KCNN2: variants seen among roughly 807,000 people sequenced by gnomAD.
KCNN2 encodes small conductance calcium-activated potassium channel protein 2.
KCNN2 carries 24 observed loss-of-function variants against 55.5 expected under a neutral mutation model. The observed-to-expected ratio is 0.43, with a 90% CI of 0.31 to 0.61. The LOEUF is 0.61. Among genes scored for constraint, KCNN2 ranks in the 20% least tolerant of loss-of-function variants. The pLI is 0.08. For synonymous variants in KCNN2, 431 were observed against 336.1 expected, an observed-to-expected ratio of 1.28 and a Z score of -3.09; for missense variants, 754 against 853.6, an observed-to-expected ratio of 0.88 and a Z score of 1.45.
chr5:114,164,816 T>C (rs1188387939), intron 1 of KCNN2, among the ~76,000 whole-genome samples: 1 of 152,212 alleles, frequency 6.6e-6, no homozygotes, highest in Non-Finnish European at 1.5e-5. Flanking sequence ...AAATAAATCA[T>C]CTGATGAAGG....
chr5:114,231,801 T>G (rs1339030445), intron 2 of KCNN2, among the ~76,000 whole-genome samples: 1 of 150,942 alleles, frequency 6.6e-6, no homozygotes, highest in Non-Finnish European at 1.5e-5. Context: ...ACTAGATGAC[T>G]TAATCACTTC....
At chr5:114,162,187 A>T (rs1752800931) in intron 1 of KCNN2, among the ~76,000 whole-genome samples, 2 of 152,042 alleles carry the variant, frequency 1.3e-5, no homozygotes, top group Admixed American at 1.3e-4. Flanking sequence ...TTTGGTGTGG[A>T]TGTCCTTTCT....
In KCNN2 at chr5:114,485,486, A is replaced by C. The variant is rs1459786; in HGVS notation, c.1891-1564A>C. Among the ~76,000 whole-genome samples, 8 of 152,308 alleles carry C rather than the reference A, an allele frequency of 5.3e-5. No homozygotes were observed. The South Asian group carries it at 1.7e-3, about 32-fold the overall frequency. ...CTCATTTCCTTACCTTTGAAAGGACATGAGGATCAGATGAAAAAAGCTTCT... is the reference window on the plus strand; with the variant it reads ...CTCATTTCCTTACCTTTGAAAGGACCTGAGGATCAGATGAAAAAAGCTTCT... On this transcript the variant is annotated intron_variant, in intron 5 of 7. Transcript: ENST00000673685.
chr5:114,285,742 A>G (rs759450118), intron 2 of KCNN2, among the ~76,000 whole-genome samples: 2 of 152,156 alleles, frequency 1.3e-5, no homozygotes, highest in South Asian at 2.1e-4. Flanking sequence ...TTAAACTGCT[A>G]CTGTAGAGTT....
chr5:114,382,212 C>T (rs1758145844), intron 2 of KCNN2, among the ~76,000 whole-genome samples: 1 of 152,174 alleles, frequency 6.6e-6, no homozygotes, highest in African/African-American at 2.4e-5. Context: ...TTCTGCAGTG[C>T]AATCCTTGCC....
chr5:114,364,400 A>C (rs1353685629), intron 2 of KCNN2, among the ~76,000 whole-genome samples: 2 of 152,154 alleles, frequency 1.3e-5, no homozygotes. Context: ...GTATCTATCT[A>C]TATAATCTTC....
chr5:114,319,350 C>G (rs184870154), intron 2 of KCNN2, among the ~76,000 whole-genome samples: 51 of 152,284 alleles, frequency 3.3e-4, no homozygotes, highest in Admixed American at 7.2e-4. Context: ...ACAGAGAAAG[C>G]AGAAGCTACA....
At chr5:114,061,094 C>A (rs1383741205) in intron 1 of KCNN2, among the ~76,000 whole-genome samples, 2 of 152,182 alleles carry the variant, frequency 1.3e-5, no homozygotes, top group Admixed American at 1.3e-4. Context: ...AGAATTTATT[C>A]ATTCAACATT....
intron 4 of KCNN2, among the ~76,000 whole-genome samples, chr5:114,470,888 T>G (rs1030736782): frequency 5.3e-5 from 8 of 152,308 alleles, no homozygotes; most frequent in African/African-American, 1.9e-4. Context: ...GTTTTATCCC[T>G]GGAGATGAAG....
At chr5:114,104,132 C>G (rs1392417205) in intron 1 of KCNN2, among the ~76,000 whole-genome samples, 1 of 152,016 alleles carries the variant, frequency 6.6e-6, no homozygotes, top group African/African-American at 2.4e-5. Context: ...AGGGATTTGA[C>G]TTCTTTCTGG....
At chr5:114,493,874 T>G (rs945421552) in intron 7 of KCNN2, among the ~76,000 whole-genome samples, 2 of 152,144 alleles carry the variant, frequency 1.3e-5, no homozygotes, top group Admixed American at 1.3e-4. Flanking sequence ...CTATGTATTT[T>G]AAGCAAACTC....
chr5:114,161,735 G>A lies in KCNN2; in HGVS notation c.-270-59745G>A, dbSNP rs539834573. On this transcript the variant is annotated intron_variant, in intron 1 of 10. Coordinates refer to the KCNN2 transcript ENST00000512097. ...CTTTTTTCTCTAAACTTCTTTTCTC[G>A]CTTCATTTCATTCGTTTTGTCTTCC... is the stretch of plus-strand genomic sequence containing the variant. 2.2e-4 allele frequency among the ~76,000 whole-genome samples: 34 copies of A among 151,994 alleles called. No individual in the cohort carries two copies. In the South Asian group the frequency reaches 2.7e-3, roughly 12 times the overall value.
chr5:114,067,029 G>T (rs1186116355), intron 1 of KCNN2, among the ~76,000 whole-genome samples: 3 of 152,180 alleles, frequency 2.0e-5, no homozygotes, highest in Non-Finnish European at 4.4e-5. Flanking sequence ...AACTTCAGCT[G>T]CCAGTGTTGA....
At chr5:114,463,424 CACTAATTTGATAA>C (rs1387820882) in intron 4 of KCNN2, among the ~76,000 whole-genome samples, 3 of 152,206 alleles carry the variant, frequency 2.0e-5, no homozygotes, top group African/African-American at 7.2e-5. Context: ...GTGGGGCATG[CACTAATTTGATAA>C]ACTAATTTGA....
chr5:114,363,703 C>G (rs543398322), intron 1 of KCNN2, among the ~76,000 whole-genome samples: 9 of 152,194 alleles, frequency 5.9e-5, no homozygotes, highest in Non-Finnish European at 1.0e-4. Context: ...TCTTCCCAGT[C>G]TTTCCAGGTC....
intron 2 of KCNN2, among the ~76,000 whole-genome samples, chr5:114,300,892 G>T (rs920801342): frequency 6.6e-6 from 1 of 152,122 alleles, no homozygotes. Flanking sequence ...GACTGTGTTG[G>T]ACTGGATCAG....
At chr5:114,307,616 T>C (rs761144732) in intron 2 of KCNN2, among the ~76,000 whole-genome samples, 4 of 152,188 alleles carry the variant, frequency 2.6e-5, no homozygotes, top group Admixed American at 1.3e-4. Context: ...ATGTCAGTAT[T>C]CTCTTACCAG....
intron 1 of KCNN2, among the ~76,000 whole-genome samples, chr5:114,125,779 T>C (rs1050309623): frequency 2.0e-5 from 3 of 152,208 alleles, no homozygotes; most frequent in African/African-American, 7.2e-5. Context: ...CTTCTCCCTG[T>C]GTCTTTACAG....
chr5:114,371,034 G>C (rs1370089454), intron 2 of KCNN2, among the ~76,000 whole-genome samples: 1 of 152,148 alleles, frequency 6.6e-6, no homozygotes, highest in East Asian at 1.9e-4. Flanking sequence ...ATGAGGAGAA[G>C]TGGGCTGATT....
Sources: allele counts gnomAD v4.1 joint callset (sites outside exome capture counted in the v4.1 genomes callset), GRCh38; gene constraint gnomAD v4.1.1; transcripts MANE v1.5; gene names NCBI Gene and HGNC (gene_info 2026-07-23, HGNC 2026-07-21).